Variants in TFAP2B observed in about 807,000 individuals in gnomAD.
TFAP2B encodes transcription factor AP-2 beta.
In TFAP2B, 9 loss-of-function variants were observed where a neutral mutation model predicts 44.3. That is an observed-to-expected ratio of 0.20 (90% CI 0.12 to 0.35). The LOEUF (loss-of-function observed/expected upper bound fraction) is 0.35, where lower values mean the gene tolerates loss of function less well. Among genes scored for constraint, TFAP2B ranks in the 10% least tolerant of loss-of-function variants. The pLI, the probability that TFAP2B is intolerant of heterozygous loss-of-function variation, is 1.00. For missense variants in TFAP2B, 509 were observed against 600.0 expected (o/e 0.85, Z 1.59); for synonymous variants, 270 against 263.8 (o/e 1.02, Z -0.23).
At position 50,843,119 on chromosome 6, in the gene TFAP2B, A is replaced by G; in HGVS notation, c.1110A>G (p.Leu370=). 1 of 1,614,218 alleles carries G rather than the reference A, an allele frequency of 6.2e-7. No homozygotes were observed. The highest frequency in any genetic ancestry group is 8.5e-7 in the Non-Finnish European group (1 of 1,180,038). ...TKQLCKEFTD[L]LAQDRTPIGN... is the part of the protein sequence containing the mutation. ...AACTTTGTAAAGAATTTACGGATCT[A>G]CTGGCGCAGGACCGGACACCGATAG... Residue 370 remains leucine (L), a synonymous_variant, in exon 7 of 7, where the codon CTA becomes CTG. Coordinates refer to ENST00000393655, the MANE Select transcript of TFAP2B (RefSeq NM_003221.4).
At chr6:50,819,766 C>G (rs1282405114) in intron 1 of TFAP2B, among the ~76,000 whole-genome samples, 3 of 152,188 alleles carry the variant, frequency 2.0e-5, no homozygotes, top group Non-Finnish European at 4.4e-5. Flanking sequence ...TTTTCCGGCT[C>G]GGGCGAGGGC....
Position 50,818,963 on chromosome 6 carries a change from TATC to T in TFAP2B, c.73_75del (p.Ile25del), listed in dbSNP as rs769420136. 2 of 1,614,108 alleles carry T rather than the reference TATC, an allele frequency of 1.2e-6. No individual in the cohort carries two copies. The highest frequency in any genetic ancestry group is 1.7e-6 in the Non-Finnish European group (2 of 1,180,010). The stretch of plus-strand genomic sequence containing the variant: ...TTGTGGAGAATGTCAAGTACGAAGA[TATC>T]TATGAGGTGAGTCGACACCCCCAGA... On this transcript the variant is annotated inframe_deletion, in exon 1 of 7. Transcript: ENST00000393655.
At chr6:50,837,592 T>C (rs1379153363) in intron 4 of TFAP2B, among the ~76,000 whole-genome samples, 1 of 152,200 alleles carries the variant, frequency 6.6e-6, no homozygotes, top group Non-Finnish European at 1.5e-5. Context: ...ACCTGGCTCT[T>C]ATCCTCTTTT....
intron 2 of TFAP2B, among the ~76,000 whole-genome samples, chr6:50,825,419 A>G (rs1770476067): frequency 6.6e-6 from 1 of 152,124 alleles, no homozygotes; most frequent in Admixed American, 6.6e-5. Context: ...ATTACTGTTG[A>G]TGATGCTAAT....
chr6:50,821,926 A>G (rs1770359855), intron 1 of TFAP2B: 1 of 296,518 alleles, frequency 3.4e-6, no homozygotes, highest in East Asian at 8.8e-5. Context: ...GCAAAGAGAC[A>G]GATGAATAGT....
Position 50,845,452 on chromosome 6 carries a change from G to C in TFAP2B, c.*2060G>C, listed in dbSNP as rs1197369048. On this transcript the variant is annotated 3_prime_UTR_variant, in exon 7 of 7. Coordinates refer to ENST00000393655, the MANE Select transcript of TFAP2B (RefSeq NM_003221.4). ...CAAAAGGGCCCAAGCAACTGTTAGG[G>C]CCACACTGCAGCCCATCTCCAACCC... The C allele has an allele frequency of 2.6e-5, 4 of 152,334 alleles. No individual in the cohort carries two copies. The highest frequency in any genetic ancestry group is 9.7e-5 in the African/African-American group (4 of 41,430). 9.4% of individuals were successfully genotyped at this position (152,334 alleles called of 1,614,324 possible). A position where few individuals can be genotyped will look rare whatever the true frequency, so the allele number is the denominator to read the frequency against.
chr6:50,835,485 T>C (rs1454705974), intron 3 of TFAP2B, among the ~76,000 whole-genome samples: 1 of 152,220 alleles, frequency 6.6e-6, no homozygotes, highest in Non-Finnish European at 1.5e-5. Context: ...TGGTATTATT[T>C]GTCTGTTCTT....
At chr6:50,837,763 AAAAG>A (rs1762651232) in intron 4 of TFAP2B, among the ~76,000 whole-genome samples, 1 of 149,938 alleles carries the variant, frequency 6.7e-6, no homozygotes, top group East Asian at 2.0e-4. Flanking sequence ...ACAAGATAAA[AAAAG>A]AACACTCAGT....
At position 50,823,598 on chromosome 6, in the gene TFAP2B, C is replaced by T; in HGVS notation, c.273C>T (p.Asp91=). The T allele has an allele frequency of 1.2e-6, 2 of 1,614,114 alleles. No individual in the cohort carries two copies. The highest frequency in any genetic ancestry group is 2.2e-5 in the East Asian group (1 of 44,866). The change falls in exon 2 of 7, where the codon GAC becomes GAT. Residue 91 remains aspartate, a synonymous_variant. Transcript: ENST00000393655. ...QSQDPYSHVN[D]PYSLNPLHQP... is the part of the protein sequence containing the mutation. ...AGGACCCCTACTCCCACGTCAACGA[C>T]CCCTACTCCCTGAACCCACTGCACC...
At chr6:50,837,424 C>A (rs1180679423) in intron 4 of TFAP2B, among the ~76,000 whole-genome samples, 1 of 152,156 alleles carries the variant, frequency 6.6e-6, no homozygotes, top group African/African-American at 2.4e-5. Flanking sequence ...TATCACATAA[C>A]TACACTTCCA....
intron 3 of TFAP2B, among the ~76,000 whole-genome samples, chr6:50,835,238 A>G (rs1374585313): frequency 6.6e-6 from 1 of 152,254 alleles, no homozygotes; most frequent in Non-Finnish European, 1.5e-5. Context: ...CGCCGCTCAT[A>G]TGAATTAGAG....
At chr6:50,818,576 T>C (rs1038549135), upstream of TFAP2B, 1 of 292,952 alleles carries the variant, frequency 3.4e-6, no homozygotes. Flanking sequence ...CAACTCTTTG[T>C]TAAATGCACA....
intron 1 of TFAP2B, among the ~76,000 whole-genome samples, chr6:50,819,436 A>C (rs992850712): frequency 4.6e-5 from 7 of 152,000 alleles, no homozygotes; most frequent in Non-Finnish European, 1.0e-4. Context: ...AATTGATAAC[A>C]AATGGTTCCA....
intron 2 of TFAP2B, 85 bp downstream of exon 2, chr6:50,823,950 CTCTG>C: frequency 1.4e-6 from 2 of 1,407,186 alleles, no homozygotes; most frequent in South Asian, 1.2e-5. Flanking sequence ...GAGAGGGCAG[CTCTG>C]TCTCTTTTTG....
intron 3 of TFAP2B, among the ~76,000 whole-genome samples, chr6:50,830,577 T>C (rs1227688970): frequency 1.3e-5 from 2 of 152,248 alleles, no homozygotes; most frequent in Admixed American, 6.5e-5. Context: ...CCAGTTACTT[T>C]AATTGATTCA....
intron 3 of TFAP2B, among the ~76,000 whole-genome samples, chr6:50,833,219 G>A (rs1193482098): frequency 2.0e-5 from 3 of 152,050 alleles, no homozygotes; most frequent in African/African-American, 7.2e-5. Context: ...TTGAGCTCTG[G>A]GTTTATTGAT....
intron 6 of TFAP2B, among the ~76,000 whole-genome samples, chr6:50,842,269 T>C (rs574148954): frequency 6.6e-6 from 1 of 152,212 alleles, no homozygotes; most frequent in Non-Finnish European, 1.5e-5. Flanking sequence ...ATTTCTCAAA[T>C]AAGCTCAATC....
At chr6:50,820,396 C>T (rs963620222) in intron 1 of TFAP2B, among the ~76,000 whole-genome samples, 3 of 152,226 alleles carry the variant, frequency 2.0e-5, no homozygotes, top group Non-Finnish European at 2.9e-5. Flanking sequence ...CTCCTGCCCC[C>T]CCCCGAATCC....
In TFAP2B at chr6:50,843,079, C is replaced by T. The variant is rs745315764; in HGVS notation, c.1083-13C>T. 1.9e-6 allele frequency: 3 copies of T among 1,614,196 alleles called. No individual in the cohort carries two copies. Among genetic ancestry groups the T allele is most frequent in the Non-Finnish European group, 2.5e-6 (3 of 1,180,040 alleles). ...TGAGGGTGATTTTCTGTGCCTCGCC[C>T]ACCCCTTTGCAGGCAACTTTGTAAA... On this transcript the variant is annotated splice_polypyrimidine_tract_variant and intron_variant, in intron 6 of 6. Coordinates refer to ENST00000393655, the MANE Select transcript of TFAP2B (RefSeq NM_003221.4).
Sources: allele counts gnomAD v4.1 joint callset (sites outside exome capture counted in the v4.1 genomes callset), GRCh38; gene constraint gnomAD v4.1.1; transcripts MANE v1.5; gene names NCBI Gene and HGNC (gene_info 2026-07-23, HGNC 2026-07-21).